MAP2: variants seen among roughly 807,000 people sequenced by gnomAD.
MAP2 encodes the protein microtubule-associated protein 2.
In MAP2, 14 loss-of-function variants were observed where a neutral mutation model predicts 137.6. The ratio of observed to expected loss-of-function variants is 0.10; its 90% CI spans 0.07 to 0.16. The LOEUF (loss-of-function observed/expected upper bound fraction) is 0.16. MAP2 is among the 10% of genes least tolerant of loss of function. The pLI is 1.00. For missense variants in MAP2, 2,088 were observed against 2,191.5 expected (o/e 0.95, Z 0.94); for synonymous variants, 786 against 782.3 (o/e 1.00, Z -0.08).
intron 2 of MAP2, chr2:209,579,246 CTATT>C (rs1281936399): frequency 1.4e-5 from 2 of 145,674 alleles, no homozygotes; most frequent in East Asian, 2.1e-4. Context: ...AACTGTTTCT[CTATT>C]TAAGCGGTGT....
rs1230341464 is a variant in MAP2, at chr2:209,447,169, C to G, written c.-222+22893C>G. Among the ~76,000 whole-genome samples, 5 of 151,912 alleles carry G rather than the reference C, an allele frequency of 3.3e-5. No homozygotes were observed. In the East Asian group the frequency reaches 9.7e-4, roughly 29 times the overall value. ...CATGAAATTGTGGCCTTCTTTGGTG[C>G]CTGGACTAAAACATCCTTTTTGTTC... On this transcript the variant is annotated intron_variant, in intron 1 of 15. Coordinates refer to ENST00000682079, the MANE Select transcript of MAP2 (RefSeq NM_001375505.1).
intron 5 of MAP2, among the ~76,000 whole-genome samples, chr2:209,658,260 A>G (rs2041841165): frequency 6.6e-6 from 1 of 152,140 alleles, no homozygotes. Flanking sequence ...TTCTGTAATC[A>G]TTGTGCATGT....
intron 1 of MAP2, among the ~76,000 whole-genome samples, chr2:209,425,107 TA>T (rs373269743): frequency 2.2e-3 from 337 of 150,820 alleles, no homozygotes; most frequent in Middle Eastern, 0.021. Flanking sequence ...TGGGTGTGTA[TA>T]GGGGGAGGGG....
intron 2 of MAP2, among the ~76,000 whole-genome samples, chr2:209,555,746 A>T (rs374458158): frequency 1.3e-5 from 2 of 152,220 alleles, no homozygotes; most frequent in Non-Finnish European, 2.9e-5. Context: ...TTGTAGTATC[A>T]TTCAAACATA....
chr2:209,488,504 C>A (rs1470997734), intron 1 of MAP2, among the ~76,000 whole-genome samples: 1 of 152,146 alleles, frequency 6.6e-6, no homozygotes, highest in Admixed American at 6.5e-5. Context: ...GTGGATCCCA[C>A]CCCCACAGAA....
intron 13 of MAP2, among the ~76,000 whole-genome samples, chr2:209,719,731 C>G (rs57542539): frequency 6.6e-6 from 1 of 152,070 alleles, no homozygotes; most frequent in African/African-American, 2.4e-5. Flanking sequence ...TTACAATATT[C>G]TTCTCTATCA....
intron 2 of MAP2, among the ~76,000 whole-genome samples, chr2:209,517,031 A>G (rs1336148711): frequency 6.6e-6 from 1 of 152,078 alleles, no homozygotes; most frequent in Admixed American, 6.6e-5. Context: ...AATAATTACT[A>G]ATGTCACCTT....
rs78987113 is a variant in MAP2, at chr2:209,550,816, A to G, written c.-171-29220A>G. ...AGTTCTCATAATGTACTTTCACTTG[A>G]TTTAATATAATTAAGTAATTAAAAC... On this transcript the variant is annotated intron_variant, in intron 2 of 15. Coordinates refer to ENST00000682079, the MANE Select transcript of MAP2 (RefSeq NM_001375505.1). 5.8e-3 allele frequency among the ~76,000 whole-genome samples: 880 copies of G among 152,278 alleles called. 8 individuals are homozygous for G. The highest frequency in any genetic ancestry group is 0.021 in the African/African-American group (856 of 41,572).
intron 4 of MAP2, among the ~76,000 whole-genome samples, chr2:209,634,069 C>G (rs905080698): frequency 6.6e-6 from 1 of 152,120 alleles, no homozygotes; most frequent in Non-Finnish European, 1.5e-5. Context: ...CCAGCCACAC[C>G]GGAGAAGGGC....
At chr2:209,565,447 T>C (rs2153359552) in intron 2 of MAP2, among the ~76,000 whole-genome samples, 1 of 152,204 alleles carries the variant, frequency 6.6e-6, no homozygotes, top group South Asian at 2.1e-4. Context: ...TTTGAACTCC[T>C]GGGCTCAAGC....
intron 1 of MAP2, among the ~76,000 whole-genome samples, chr2:209,432,897 G>T (rs1421518307): frequency 6.6e-6 from 1 of 151,992 alleles, no homozygotes; most frequent in Admixed American, 6.6e-5. Context: ...TTTATTTGGT[G>T]GTCTGAAATT....
chr2:209,544,237 GA>G (rs995754767), intron 2 of MAP2, among the ~76,000 whole-genome samples: 45 of 145,200 alleles, frequency 3.1e-4, no homozygotes, highest in African/African-American at 9.3e-4. Flanking sequence ...TGTCTCAAAA[GA>G]AAAAAAAAAC....
At chr2:209,647,666 C>T (rs928944286) in intron 4 of MAP2, among the ~76,000 whole-genome samples, 7 of 152,046 alleles carry the variant, frequency 4.6e-5, no homozygotes, top group Admixed American at 1.3e-4. Context: ...AAAGAATCTT[C>T]GATTTTTCAT....
chr2:209,449,372 G>T (rs1362061366), intron 1 of MAP2, among the ~76,000 whole-genome samples: 1 of 152,052 alleles, frequency 6.6e-6, no homozygotes, highest in Non-Finnish European at 1.5e-5. Context: ...TACTTGAGAG[G>T]GACTGCTTAA....
At chr2:209,499,688 G>C (rs2060156482) in intron 1 of MAP2, among the ~76,000 whole-genome samples, 1 of 152,134 alleles carries the variant, frequency 6.6e-6, no homozygotes, top group Non-Finnish European at 1.5e-5. Context: ...AGGCCTCAGG[G>C]GGCTTTTACT....
chr2:209,468,689 T>C (rs895944917), intron 1 of MAP2, among the ~76,000 whole-genome samples: 2 of 152,190 alleles, frequency 1.3e-5, no homozygotes, highest in African/African-American at 4.8e-5. Flanking sequence ...CCTTTAACAC[T>C]CAGCAACATG....
intron 1 of MAP2, among the ~76,000 whole-genome samples, chr2:209,497,864 G>T (rs895618695): frequency 1.3e-5 from 2 of 152,112 alleles, no homozygotes; most frequent in African/African-American, 4.8e-5. Flanking sequence ...CAGCACTGGG[G>T]ATTACAATTC....
intron 1 of MAP2, among the ~76,000 whole-genome samples, chr2:209,474,829 A>G (rs1331410686): frequency 6.6e-6 from 1 of 152,104 alleles, no homozygotes; most frequent in Non-Finnish European, 1.5e-5. Context: ...AACAATTTAA[A>G]TCTATAAATA....
intron 14 of MAP2, among the ~76,000 whole-genome samples, chr2:209,726,368 A>G (rs2074002577): frequency 1.3e-5 from 2 of 152,322 alleles, no homozygotes; most frequent in South Asian, 4.1e-4. Context: ...TAGAATTTAT[A>G]TTCATAGTTA....
Sources: gnomAD v4.1 joint callset for allele counts (sites outside exome capture counted in the v4.1 genomes callset) on GRCh38, gnomAD v4.1.1 for gene constraint, MANE v1.5 for transcripts, NCBI Gene and HGNC (gene_info 2026-07-23, HGNC 2026-07-21) for gene names.